The following F3 variants were observed in gnomAD, a reference collection of about 807,000 sequenced individuals.
F3 encodes the protein coagulation factor III, tissue factor, also known as tissue factor.
F3 carries 18 observed loss-of-function variants against 33.5 expected under a neutral mutation model. That is an observed-to-expected ratio of 0.54 (90% CI 0.37 to 0.80). F3 has a LOEUF of 0.80. Among genes scored for constraint, F3 ranks in the 30% least tolerant of loss-of-function variants. The pLI, the probability that F3 is intolerant of heterozygous loss-of-function variation, is 0.00. For missense variants in F3, 353 were observed against 362.1 expected (o/e 0.97, Z 0.20); for synonymous variants, 147 against 140.7 (o/e 1.05, Z -0.32).
chr1:94,530,891 G>A (rs1349804642), intron 5 of F3, among the ~76,000 whole-genome samples: 4 of 152,166 alleles, frequency 2.6e-5, no homozygotes, highest in Non-Finnish European at 5.9e-5. Context: ...GCCTAAAAAC[G>A]ATGCTGAGAT....
chr1:94,539,598 G>C (rs3917605), intron 2 of F3, among the ~76,000 whole-genome samples: 1,745 of 152,278 alleles, frequency 0.011, 48 homozygotes, highest in African/African-American at 0.04. Flanking sequence ...CATCAAGGAA[G>C]TCATAACCTT....
rs1363918600 is a variant in F3 at position 94,529,633 on chromosome 1, G to C, written c.*827C>G. 6.6e-6 allele frequency: 1 copy of C among 152,176 alleles called. No individual in the cohort carries two copies. The highest frequency in any genetic ancestry group is 1.5e-5 in the Non-Finnish European group (1 of 67,950). The allele number at this position is 152,176 out of a possible 1,614,324, so 9.4% of individuals were successfully genotyped here. A position where few individuals can be genotyped will look rare whatever the true frequency, so the allele number is the denominator to read the frequency against. ...CCTGCACTTAACACATTAATACAAA[G>C]TTTGCCAATTGTTTTGAATTTCCAA... On this transcript the variant is annotated 3_prime_UTR_variant, in exon 6 of 6. Coordinates refer to ENST00000334047, the MANE Select transcript of F3 (RefSeq NM_001993.5).
chr1:94,532,326 A>T lies in F3; in HGVS notation c.746T>A (p.Phe249Tyr). ...TGGCTGGCAGAGCCACTCACCTCTG[A>T]ATTCCCCTTTCTCCTGGCCCATACA... ...VECMGQEKGE[F>Y]REIFYIIGAV... is the part of the protein sequence containing the mutation. Residue 249 changes from phenylalanine to tyrosine, a missense_variant, in exon 5 of 6, where the codon TTC (phenylalanine) becomes TAC (tyrosine). Transcript: ENST00000334047. 1 of 1,613,764 alleles carries T rather than the reference A, an allele frequency of 6.2e-7. No individual in the cohort carries two copies. The highest frequency in any genetic ancestry group is 2.2e-5 in the East Asian group (1 of 44,862).
intron 3 of F3, among the ~76,000 whole-genome samples, chr1:94,534,244 C>A (rs148098806): frequency 6.6e-6 from 1 of 152,052 alleles, no homozygotes; most frequent in Non-Finnish European, 1.5e-5. Context: ...ATATAATACA[C>A]GCAACATGAA....
Position 94,535,992 on chromosome 1 carries a change from A to G in F3, c.385T>C (p.Ser129Pro). 1 of 1,614,124 alleles carries G rather than the reference A, an allele frequency of 6.2e-7. No homozygotes were observed. The change falls in exon 3 of 6, where the codon TCC becomes CCC. Residue 129 changes from serine to proline, a missense_variant. Transcript: ENST00000334047. ...GSAGEPLYEN[S>P]PEFTPYLETN... is the part of the protein sequence containing the mutation. Reference sequence around the variant, plus strand: ...TCCAGGTAAGGTGTGAACTCTGGGGAGTTCTCATACAGAGGCTCCCCAGCA... The same window carrying G: ...TCCAGGTAAGGTGTGAACTCTGGGGGGTTCTCATACAGAGGCTCCCCAGCA...
intron 5 of F3, 91 bp downstream of exon 5, chr1:94,532,230 A>G (rs1011113643): frequency 2.3e-5 from 28 of 1,228,454 alleles, no homozygotes; most frequent in Non-Finnish European, 3.2e-5. Flanking sequence ...TAACCAAGGA[A>G]GTATATCCCA....
intron 3 of F3, among the ~76,000 whole-genome samples, chr1:94,534,839 A>ATC (rs1651550544): frequency 6.6e-6 from 1 of 152,188 alleles, no homozygotes; most frequent in East Asian, 1.9e-4. Context: ...AGCTTACAAA[A>ATC]AAACTCAAGA....
At chr1:94,531,387 C>T (rs1462136303) in intron 5 of F3, among the ~76,000 whole-genome samples, 4 of 151,710 alleles carry the variant, frequency 2.6e-5, no homozygotes, top group African/African-American at 7.3e-5. Flanking sequence ...CTTCAGCCTC[C>T]GCCTCCCAGG....
chr1:94,530,660 T>C (rs755281990), intron 5 of F3, 64 bp from the exon 6 acceptor site: 19 of 1,598,154 alleles, frequency 1.2e-5, no homozygotes, highest in African/African-American at 8.1e-5. Flanking sequence ...GTGGACAAAA[T>C]TGACGGCATA....
Position 94,533,152 on chromosome 1 carries a change from C to CCCCT in F3, c.528_529insAGGG (p.Asp177ArgfsTer30). 1 of 1,613,930 alleles carries CCCCT rather than the reference C, an allele frequency of 6.2e-7. No individual in the cohort carries two copies. The highest frequency in any genetic ancestry group is 8.5e-7 in the Non-Finnish European group (1 of 1,179,964). On this transcript the variant is annotated frameshift_variant, in exon 4 of 6. Transcript: ENST00000334047. LOFTEE classifies it high-confidence loss of function. The stretch of plus-strand genomic sequence containing the variant: ...TAAATTAAGTCCTTGCCAAAAACAT[C>CCCCT]CCGGAGGCTTAGGAAAGTGTTGTTC...
chr1:94,541,623 GCAGGGGTCT>G lies in F3; in HGVS notation c.5_13del (p.Glu2_Pro4del), dbSNP rs1437305306. ...CTCGGGGCGCGGGACCCGGGGCCAG[GCAGGGGTCT>G]CCATGTCTACCAGTTGGCGGCGAGA... is the stretch of plus-strand genomic sequence containing the variant. On this transcript the variant is annotated inframe_deletion, in exon 1 of 6. Transcript: ENST00000334047. 4 of 1,441,050 alleles carry G rather than the reference GCAGGGGTCT, an allele frequency of 2.8e-6. No homozygotes were observed. Among genetic ancestry groups the G allele is most frequent in the Non-Finnish European group, 3.7e-6 (4 of 1,094,546 alleles). 89.3% of individuals were successfully genotyped at this position (1,441,050 alleles called of 1,614,324 possible).
intron 1 of F3, 45 bp from the exon 2 acceptor site, chr1:94,540,413 C>G (rs772003170): frequency 7.6e-7 from 1 of 1,312,444 alleles, no homozygotes; most frequent in Non-Finnish European, 1.1e-6. Flanking sequence ...CACTTCAGAG[C>G]ACTCGAATGT....
chr1:94,535,894 A>C (rs1036559265), intron 3 of F3, 71 bp downstream of exon 3: 4 of 1,416,454 alleles, frequency 2.8e-6, no homozygotes, highest in Non-Finnish European at 3.0e-6. Flanking sequence ...TAGCCCCTAA[A>C]GGCACAAGAT....
chr1:94,534,649 T>C (rs1287859332), intron 3 of F3, among the ~76,000 whole-genome samples: 1 of 152,108 alleles, frequency 6.6e-6, no homozygotes, highest in Admixed American at 6.5e-5. Flanking sequence ...CCAGGAAATG[T>C]CCTTGGTACC....
At chr1:94,541,241 G>C (rs186793015) in intron 1 of F3, among the ~76,000 whole-genome samples, 3 of 152,328 alleles carry the variant, frequency 2.0e-5, no homozygotes, top group East Asian at 3.9e-4. Flanking sequence ...GAGTTAAAGC[G>C]GGAGCTAAAA....
chr1:94,533,147 A>T lies in F3; in HGVS notation c.534T>A (p.Val178=). ...RNNTFLSLRD[V]FGKDLIYTLY... is the part of the protein sequence containing the mutation. ...GTGTATAAATTAAGTCCTTGCCAAA[A>T]ACATCCCGGAGGCTTAGGAAAGTGT... is the stretch of plus-strand genomic sequence containing the variant. Residue 178 remains valine, a synonymous_variant, in exon 4 of 6, where the codon GTT becomes GTA. Coordinates refer to ENST00000334047, the MANE Select transcript of F3 (RefSeq NM_001993.5). The T allele has an allele frequency of 6.2e-7, 1 of 1,613,842 alleles. No homozygotes were observed.
intron 1 of F3, chr1:94,541,008 G>A (rs1444111297): frequency 6.5e-6 from 1 of 152,906 alleles, no homozygotes. Context: ...CATGCACAAC[G>A]TTGTACCTGC....
At chr1:94,533,838 TTTC>T (rs964454439) in intron 3 of F3, among the ~76,000 whole-genome samples, 1 of 151,230 alleles carries the variant, frequency 6.6e-6, no homozygotes, top group African/African-American at 2.5e-5. Flanking sequence ...TCCTTCCTTC[TTTC>T]TTTTCTTTTC....
At chr1:94,536,300 T>A (rs1651604389) in intron 2 of F3, 136 bp from the exon 3 acceptor site, 1 of 752,140 alleles carries the variant, frequency 1.3e-6, no homozygotes. Flanking sequence ...GCAGTCACTG[T>A]GCTGAGCACT....
Sources: gnomAD v4.1 joint callset for allele counts (sites outside exome capture counted in the v4.1 genomes callset) on GRCh38, gnomAD v4.1.1 for gene constraint, MANE v1.5 for transcripts, NCBI Gene and HGNC (gene_info 2026-07-23, HGNC 2026-07-21) for gene names.